SLC2A13: variants seen among roughly 807,000 people sequenced by gnomAD.
The protein encoded by SLC2A13 is solute carrier family 2 member 13.
A neutral mutation model predicts 64.4 loss-of-function variants in SLC2A13; 32 were observed. That is an observed-to-expected ratio of 0.50 (90% CI 0.37 to 0.67). The LOEUF is 0.67. Ranked by LOEUF, SLC2A13 falls within the 30% of genes least tolerant of loss-of-function variation. The pLI, the probability that SLC2A13 is intolerant of heterozygous loss-of-function variation, is 0.00. For missense variants in SLC2A13, 743 were observed against 829.2 expected (o/e 0.90, Z 1.28); for synonymous variants, 338 against 327.1 (o/e 1.03, Z -0.36).
In SLC2A13 at chr12:39,788,162, T is replaced by C. The variant is rs974741759; in HGVS notation, c.1446-23304A>G. On this transcript the variant is annotated intron_variant, in intron 7 of 9. Coordinates refer to ENST00000280871, the MANE Select transcript of SLC2A13 (RefSeq NM_052885.4). ...TGAGGGATACATTCCAAGATCCTCA[T>C]ACCTAGTACCAAACCCTATAGATGC... is the stretch of plus-strand genomic sequence containing the variant. Among the ~76,000 whole-genome samples, 5 of 152,272 alleles carry C rather than the reference T, an allele frequency of 3.3e-5. No individual in the cohort carries two copies. The East Asian group carries it at 9.6e-4, about 29-fold the overall frequency.
At chr12:39,939,130 T>C (rs556075134) in intron 4 of SLC2A13, among the ~76,000 whole-genome samples, 21 of 152,250 alleles carry the variant, frequency 1.4e-4, no homozygotes, top group African/African-American at 5.1e-4. Context: ...ATAGCCTGCT[T>C]ACCAATGCTC....
chr12:39,982,631 C>G (rs377508844), intron 3 of SLC2A13, among the ~76,000 whole-genome samples: 12 of 148,248 alleles, frequency 8.1e-5, no homozygotes, highest in South Asian at 2.1e-4. Context: ...GGATGTGAAG[C>G]ACCTCTTCAA....
At chr12:40,073,179 TTC>T (rs564087725) in intron 1 of SLC2A13, among the ~76,000 whole-genome samples, 23 of 151,784 alleles carry the variant, frequency 1.5e-4, no homozygotes, top group South Asian at 8.3e-4. Context: ...CTTGTATAAT[TTC>T]TGTCATGCAT....
intron 5 of SLC2A13, among the ~76,000 whole-genome samples, chr12:39,866,059 G>T (rs1943902812): frequency 6.6e-6 from 1 of 152,212 alleles, no homozygotes; most frequent in African/African-American, 2.4e-5. Flanking sequence ...GTGTTAGTTT[G>T]TACAACTTAT....
At chr12:40,004,103 G>A (rs1284038428) in intron 3 of SLC2A13, among the ~76,000 whole-genome samples, 2 of 152,122 alleles carry the variant, frequency 1.3e-5, no homozygotes, top group East Asian at 3.8e-4. Flanking sequence ...CATTTACACT[G>A]TATTCGGTTT....
At chr12:39,803,901 A>C (rs1395037541) in intron 7 of SLC2A13, among the ~76,000 whole-genome samples, 4 of 152,200 alleles carry the variant, frequency 2.6e-5, no homozygotes. Context: ...TCCCTTCCCA[A>C]GATAAATAAA....
At chr12:39,847,224 A>C (rs111604911) in intron 6 of SLC2A13, among the ~76,000 whole-genome samples, 119 of 152,284 alleles carry the variant, frequency 7.8e-4, no homozygotes, top group African/African-American at 2.7e-3. Context: ...TAAATGTCTC[A>C]TAAAATTAAC....
chr12:40,017,094 T>C (rs1331439025), intron 3 of SLC2A13, among the ~76,000 whole-genome samples: 1 of 152,184 alleles, frequency 6.6e-6, no homozygotes, highest in Non-Finnish European at 1.5e-5. Context: ...GTCTACACAC[T>C]GTAAGAGCTC....
intron 3 of SLC2A13, among the ~76,000 whole-genome samples, chr12:40,020,035 A>G (rs1230088008): frequency 6.6e-6 from 1 of 152,218 alleles, no homozygotes; most frequent in Admixed American, 6.5e-5. Context: ...GCTTAGTACC[A>G]GAGGGTTTAG....
intron 4 of SLC2A13, among the ~76,000 whole-genome samples, chr12:39,923,507 ATGGGGAGATAT>A (rs1945652816): frequency 6.6e-6 from 1 of 152,070 alleles, no homozygotes. Flanking sequence ...TAAAGGGGAA[ATGGGGAGATAT>A]TGTTTAATGT....
chr12:39,797,193 G>A (rs1592146146), intron 7 of SLC2A13, among the ~76,000 whole-genome samples: 1 of 152,274 alleles, frequency 6.6e-6, no homozygotes, highest in East Asian at 1.9e-4. Flanking sequence ...AAGCATGCAA[G>A]CCTGATTTAA....
At chr12:39,800,626 G>A (rs369285649) in intron 7 of SLC2A13, among the ~76,000 whole-genome samples, 632 of 48,348 alleles carry the variant, frequency 0.013, 5 homozygotes, top group Non-Finnish European at 0.02. Context: ...GGAGAAATAG[G>A]AACACTTTTA....
intron 7 of SLC2A13, among the ~76,000 whole-genome samples, chr12:39,774,294 A>T (rs575570353): frequency 6.6e-6 from 1 of 152,192 alleles, no homozygotes; most frequent in Non-Finnish European, 1.5e-5. Flanking sequence ...AAGCAACCCA[A>T]GTTATAAGAA....
chr12:39,908,519 G>C (rs1945350332), intron 4 of SLC2A13, among the ~76,000 whole-genome samples: 1 of 151,872 alleles, frequency 6.6e-6, no homozygotes. Context: ...TGAAGCAATA[G>C]ATTGTGTTAG....
At chr12:39,866,147 CT>C (rs995048830) in intron 5 of SLC2A13, among the ~76,000 whole-genome samples, 6 of 152,074 alleles carry the variant, frequency 3.9e-5, no homozygotes, top group African/African-American at 1.4e-4. Flanking sequence ...ATTAGTTAAG[CT>C]TGGAGGGAAT....
intron 1 of SLC2A13, among the ~76,000 whole-genome samples, chr12:40,079,395 A>G (rs1011757932): frequency 6.6e-6 from 1 of 152,166 alleles, no homozygotes; most frequent in Non-Finnish European, 1.5e-5. Context: ...GGACAGGTTA[A>G]TTTCCAAGTA....
At chr12:39,968,783 T>TC (rs1946583656) in intron 3 of SLC2A13, among the ~76,000 whole-genome samples, 4 of 16,854 alleles carry the variant, frequency 2.4e-4, no homozygotes, top group Admixed American at 1.3e-3. Flanking sequence ...TATATATATA[T>TC]ATATATATAT....
chr12:39,812,996 A>ATTTTTTTTTTTT lies in SLC2A13; in HGVS notation c.1445+17095_1445+17106dup, dbSNP rs71449493. ...AGGCGCCTGACATCATGCCCAGCTA[A>ATTTTTTTTTTTT]TTTTTTTTTTTTTTTTTTTTTTTTT... On this transcript the variant is annotated intron_variant, in intron 7 of 9. Transcript: ENST00000280871. Among the ~76,000 whole-genome samples, 75 of 40,614 alleles carry ATTTTTTTTTTTT rather than the reference A, an allele frequency of 1.8e-3. 32 individuals carry two copies. Among genetic ancestry groups the ATTTTTTTTTTTT allele is most frequent in the Admixed American group, 0.017 (33 of 1,902 alleles). 26.6% of individuals were successfully genotyped at this position (40,614 alleles called of 152,430 possible).
chr12:39,941,725 T>C (rs1311795260), intron 4 of SLC2A13, among the ~76,000 whole-genome samples: 3 of 152,046 alleles, frequency 2.0e-5, no homozygotes, highest in African/African-American at 7.2e-5. Flanking sequence ...GAGGTCCCAA[T>C]TATTTATCTT....
Sources: allele counts gnomAD v4.1 joint callset (sites outside exome capture counted in the v4.1 genomes callset), GRCh38; gene constraint gnomAD v4.1.1; transcripts MANE v1.5; gene names NCBI Gene and HGNC (gene_info 2026-07-23, HGNC 2026-07-21).